CTDP1: variants seen among roughly 807,000 people sequenced by gnomAD.
CTDP1 encodes CTD phosphatase 1, also known as RNA polymerase II subunit A C-terminal domain phosphatase.
In CTDP1, 47 loss-of-function variants were observed where a neutral mutation model predicts 91.8. That is an observed-to-expected ratio of 0.51 (90% CI 0.41 to 0.65). The LOEUF is 0.65. Ranked by LOEUF, CTDP1 falls within the 30% of genes least tolerant of loss-of-function variation. CTDP1 has a pLI of 0.00. For missense variants in CTDP1, 1,272 were observed against 1,373.7 expected (o/e 0.93, Z 1.17); for synonymous variants, 656 against 598.5 (o/e 1.10, Z -1.40).
intron 12 of CTDP1, 34 bp from the exon 13 acceptor site, chr18:79,753,618 A>G (rs1162794085): frequency 6.2e-6 from 10 of 1,613,880 alleles, no homozygotes; most frequent in East Asian, 2.2e-5. Context: ...TGCGTTTGCC[A>G]CAAGCATCTC....
intron 12 of CTDP1, among the ~76,000 whole-genome samples, chr18:79,738,011 C>A (rs2086700534): frequency 7.0e-6 from 1 of 142,456 alleles, no homozygotes; most frequent in Non-Finnish European, 1.5e-5. Flanking sequence ...GCCTCCCCCG[C>A]AGGTCCCCGC....
downstream of CTDP1, chr18:79,755,898 CCGGACCGCATGCAGCATT>C (rs1046955012): frequency 6.6e-6 from 1 of 151,372 alleles, no homozygotes; most frequent in African/African-American, 2.4e-5. Flanking sequence ...ACGGGAGGGG[CCGGACCGCATGCAGCATT>C]CAGGACCAGC....
intron 6 of CTDP1, among the ~76,000 whole-genome samples, chr18:79,710,850 G>A (rs2086068877): frequency 6.6e-6 from 1 of 152,064 alleles, no homozygotes; most frequent in South Asian, 2.1e-4. Flanking sequence ...CCGGCCTAGA[G>A]CAGTATTTCT....
chr18:79,695,208 C>T lies in CTDP1; in HGVS notation c.315-17C>T. On this transcript the variant is annotated splice_polypyrimidine_tract_variant and intron_variant, in intron 1 of 12. Transcript: ENST00000613122. ...CAAGAGATTTTAAAGTGTTGTTCCC[C>T]TTGTGTTTTTTTGTAGAGCGGTTCT... 2 of 1,612,540 alleles carry T rather than the reference C, an allele frequency of 1.2e-6. No individual in the cohort carries two copies. Among genetic ancestry groups the T allele is most frequent in the Non-Finnish European group, 1.7e-6 (2 of 1,178,602 alleles).
At chr18:79,690,647 G>A (rs987179304) in intron 1 of CTDP1, among the ~76,000 whole-genome samples, 2 of 152,198 alleles carry the variant, frequency 1.3e-5, no homozygotes, top group Non-Finnish European at 2.9e-5. Flanking sequence ...ATTGCTCTCT[G>A]CTCCCTGTCT....
chr18:79,689,448 A>C (rs1010153757), intron 1 of CTDP1, among the ~76,000 whole-genome samples: 2 of 152,138 alleles, frequency 1.3e-5, no homozygotes, highest in Non-Finnish European at 1.5e-5. Context: ...TGGTGTTCTC[A>C]ATTCCAGCAT....
chr18:79,695,867 G>A, intron 2 of CTDP1, 110 bp from the exon 3 acceptor site: 1 of 855,946 alleles, frequency 1.2e-6, no homozygotes, highest in Non-Finnish European at 2.0e-6. Context: ...TGCTAAGATA[G>A]CAGCGTGTGT....
Position 79,725,025 on chromosome 18 carries a change from A to T in CTDP1, c.2418-3882A>T, listed in dbSNP as rs533644981. On this transcript the variant is annotated intron_variant, in intron 10 of 12. Coordinates refer to ENST00000613122, the MANE Select transcript of CTDP1 (RefSeq NM_004715.5). ...GTGTTGTTATCACCAGTGGGTGTTG[A>T]ATTTTTTAGGAGTTTGTTGATTGAT... Among the ~76,000 whole-genome samples, 10 of 152,130 alleles carry T rather than the reference A, an allele frequency of 6.6e-5. 1 individual carries two copies. In the South Asian group the frequency reaches 2.1e-3, roughly 32 times the overall value.
Position 79,704,840 on chromosome 18 carries a change from TC to T in CTDP1, c.697del (p.Leu233TrpfsTer28). The T allele has an allele frequency of 1.9e-6, 3 of 1,614,088 alleles. No homozygotes were observed. The highest frequency in any genetic ancestry group is 2.5e-6 in the Non-Finnish European group (3 of 1,180,036). ...HTRLRPHCKD[F>X]LEKIAKLYEL... ...CGCCTGCGTCCACACTGCAAGGACT[TC>T]CTGGAGAAGATCGCCAAGCTGTACG... is the stretch of plus-strand genomic sequence containing the variant. On this transcript the variant is annotated frameshift_variant, in exon 5 of 13. Transcript: ENST00000613122. LOFTEE classifies it high-confidence loss of function.
chr18:79,680,510 T>C (rs903219965), intron 1 of CTDP1, among the ~76,000 whole-genome samples: 9 of 152,264 alleles, frequency 5.9e-5, no homozygotes, highest in Non-Finnish European at 1.0e-4. Flanking sequence ...TTGGAAAAGC[T>C]ATGTTTGTTT....
rs778790860 is a variant in CTDP1 at position 79,717,717 on chromosome 18, C to T, written c.2210+41C>T. 15 of 1,613,816 alleles carry T rather than the reference C, an allele frequency of 9.3e-6. No homozygotes were observed. In the African/African-American group the frequency reaches 9.3e-5, roughly 10 times the overall value. On this transcript the variant is annotated intron_variant, in intron 9 of 12. Coordinates refer to ENST00000613122, the MANE Select transcript of CTDP1 (RefSeq NM_004715.5). ...ACCCAGCAGGTCCGTGCCAGGCGTT[C>T]CCTTGCTGGACAGCTGTTGGTTCAT...
intron 1 of CTDP1, among the ~76,000 whole-genome samples, chr18:79,692,496 A>G (rs2085645773): frequency 6.6e-6 from 1 of 152,252 alleles, no homozygotes; most frequent in African/African-American, 2.4e-5. Context: ...TCTACAAAAA[A>G]ACACCTGTTT....
Position 79,753,635 on chromosome 18 carries a change from T to C in CTDP1, c.2748-17T>C. On this transcript the variant is annotated splice_polypyrimidine_tract_variant and intron_variant, in intron 12 of 12. Coordinates refer to ENST00000613122, the MANE Select transcript of CTDP1 (RefSeq NM_004715.5). Reference sequence around the variant, plus strand: ...CGTTTGCCACAAGCATCTCACACCATGTTTGCTTCTCTGCAGAGGCCACAA... The same window carrying C: ...CGTTTGCCACAAGCATCTCACACCACGTTTGCTTCTCTGCAGAGGCCACAA... 3.1e-6 allele frequency: 5 copies of C among 1,613,982 alleles called. No homozygotes were observed. In the African/African-American group the frequency reaches 4.0e-5, roughly 13 times the overall value.
intron 12 of CTDP1, among the ~76,000 whole-genome samples, chr18:79,742,907 G>A (rs2086807360): frequency 6.6e-6 from 1 of 152,204 alleles, no homozygotes; most frequent in Admixed American, 6.5e-5. Flanking sequence ...AGTGAGCCAA[G>A]ATCATGCCAC....
chr18:79,717,876 G>A lies in CTDP1; in HGVS notation c.2277G>A (p.Met759Ile). ...GVPPTALFHP[M>I]PVLPKAQPGP... ...CCCCCACCGCCTTGTTCCACCCGATGCCGGTTCTTCCCAAGGCCCAGCCTG... is the reference window on the plus strand; with the variant it reads ...CCCCCACCGCCTTGTTCCACCCGATACCGGTTCTTCCCAAGGCCCAGCCTG... The change falls in exon 10 of 13, where the codon ATG becomes ATA. Residue 759 changes from methionine (M) to isoleucine (I), a missense_variant. By Grantham distance (10) the Met-to-Ile change is conservative (BLOSUM62 1). Transcript: ENST00000613122. The A allele has an allele frequency of 6.2e-7, 1 of 1,613,572 alleles. No individual in the cohort carries two copies. Among genetic ancestry groups the A allele is most frequent in the Non-Finnish European group, 8.5e-7 (1 of 1,179,996 alleles).
intron 12 of CTDP1, among the ~76,000 whole-genome samples, chr18:79,736,818 A>G (rs978217441): frequency 1.4e-5 from 2 of 145,480 alleles, no homozygotes; most frequent in African/African-American, 5.1e-5. Flanking sequence ...TGGTGGGGGT[A>G]TGCACGTGTG....
intron 10 of CTDP1, among the ~76,000 whole-genome samples, chr18:79,721,079 C>T (rs1194024532): frequency 6.6e-6 from 1 of 152,206 alleles, no homozygotes; most frequent in Non-Finnish European, 1.5e-5. Flanking sequence ...GTCCTTTCAT[C>T]TGTGGCGAAG....
rs770987096 is a variant in CTDP1 at position 79,714,666 on chromosome 18, C to T, written c.1206C>T (p.Asp402=). Residue 402 remains aspartate (D), a synonymous_variant, in exon 8 of 13, where the codon GAC becomes GAT. Coordinates refer to ENST00000613122, the MANE Select transcript of CTDP1 (RefSeq NM_004715.5). The stretch of plus-strand genomic sequence containing the variant: ...ACTCACCCCGCCCCGGGAAGCCAGA[C>T]GAGAGGGACATCTGGCCCCCTGCCC... The part of the protein sequence containing the change: ...PRDSPRPGKP[D]ERDIWPPAQA... 27 of 1,611,726 alleles carry T rather than the reference C, an allele frequency of 1.7e-5. No individual in the cohort carries two copies. The highest frequency in any genetic ancestry group is 1.5e-4 in the South Asian group (14 of 91,004).
chr18:79,716,101 TA>T (rs939001579), intron 8 of CTDP1, among the ~76,000 whole-genome samples: 1 of 152,160 alleles, frequency 6.6e-6, no homozygotes, highest in African/African-American at 2.4e-5. Context: ...CCCCGGTGCT[TA>T]AAAAACCCAA....
Sources: gnomAD v4.1 joint callset for allele counts (sites outside exome capture counted in the v4.1 genomes callset) on GRCh38, gnomAD v4.1.1 for gene constraint, MANE v1.5 for transcripts, NCBI Gene and HGNC (gene_info 2026-07-23, HGNC 2026-07-21) for gene names.